Variants in CSPG5 observed in about 807,000 individuals in gnomAD.
The protein encoded by CSPG5 is chondroitin sulfate proteoglycan 5, also known as acidic leucine-rich EGF-like domain-containing brain protein.
Under a neutral mutation model 39.8 loss-of-function variants are expected in CSPG5, and 25 were observed. The ratio of observed to expected loss-of-function variants is 0.63; its 90% CI spans 0.46 to 0.88. CSPG5 has a LOEUF of 0.88. Among genes scored for constraint, CSPG5 ranks in the 40% least tolerant of loss-of-function variants. CSPG5 has a pLI of 0.00. For missense variants in CSPG5, 627 were observed against 702.2 expected (o/e 0.89, Z 1.21); for synonymous variants, 295 against 303.9 (o/e 0.97, Z 0.31).
At chr3:47,566,286 G>A (rs1414103648) in intron 4 of CSPG5, among the ~76,000 whole-genome samples, 4 of 152,092 alleles carry the variant, frequency 2.6e-5, no homozygotes, top group Non-Finnish European at 5.9e-5. Flanking sequence ...AGAGAGGGGT[G>A]GGGAGAAGCC....
In CSPG5 at chr3:47,577,406, A is replaced by G; in HGVS notation, c.620T>C (p.Ile207Thr). Residue 207 changes from isoleucine to threonine, a missense_variant, in exon 2 of 5, where the codon ATC becomes ACC. Ile to Thr is a moderately conservative substitution (Grantham distance 89). Coordinates refer to ENST00000264723, the MANE Select transcript of CSPG5 (RefSeq NM_006574.4). This position sits in a 1 kb window ranked among gnomAD's most constrained non-coding sequence, Gnocchi z 4.7. ...TCCTTCGAAGTAGTCGATGTCAATG[A>G]TATCTGATGCCGGTTGGGGCTCCAG... is the stretch of plus-strand genomic sequence containing the variant. ...GTLEPQPASD[I>T]IDIDYFEGLD... The G allele has an allele frequency of 6.2e-7, 1 of 1,614,152 alleles. No homozygotes were observed.
In CSPG5 at chr3:47,562,491, A is replaced by T; in HGVS notation, c.*109T>A. On this transcript the variant is annotated 3_prime_UTR_variant, in exon 5 of 5. Transcript: ENST00000264723. ...AAGCATGCCATGAGATCAGAAAAAG[A>T]AAAGAGTTTAACAAATGGTTACAAG... The T allele has an allele frequency of 8.9e-7, 1 of 1,119,966 alleles. No individual in the cohort carries two copies. The highest frequency in any genetic ancestry group is 1.3e-6 in the Non-Finnish European group (1 of 792,182). 69.4% of individuals were successfully genotyped at this position (1,119,966 alleles called of 1,614,324 possible).
chr3:47,563,233 A>T (rs923406247), intron 4 of CSPG5, among the ~76,000 whole-genome samples: 1 of 152,160 alleles, frequency 6.6e-6, no homozygotes, highest in Non-Finnish European at 1.5e-5. Flanking sequence ...TAAAGTGCAG[A>T]ACTGCTCCTG....
At chr3:47,570,787 T>C (rs147874616) in intron 3 of CSPG5, among the ~76,000 whole-genome samples, 5,719 of 152,266 alleles carry the variant, frequency 0.038, 367 homozygotes, top group African/African-American at 0.13. Context: ...CCCAAAGTGC[T>C]GGGATTAGAG....
At chr3:47,570,134 A>C (rs974802875) in intron 3 of CSPG5, among the ~76,000 whole-genome samples, 1 of 151,454 alleles carries the variant, frequency 6.6e-6, no homozygotes, top group African/African-American at 2.4e-5. Context: ...AGAATATGTC[A>C]GTGTGTTATA....
intron 4 of CSPG5, among the ~76,000 whole-genome samples, chr3:47,564,892 G>T (rs1156594481): frequency 6.6e-6 from 1 of 152,100 alleles, no homozygotes; most frequent in Non-Finnish European, 1.5e-5. Flanking sequence ...GGAAACCATG[G>T]TCATGAAAGC....
intron 2 of CSPG5, among the ~76,000 whole-genome samples, chr3:47,574,579 G>A (rs962338728): frequency 6.6e-5 from 10 of 152,150 alleles, no homozygotes; most frequent in South Asian, 2.1e-4. Flanking sequence ...TTCTGGCAAT[G>A]GCTGGACCAC....
Position 47,578,014 on chromosome 3 carries a change from C to A in CSPG5, c.98-86G>T. Reference sequence around the variant, plus strand: ...CCGGCCCGCCCCGGTCAGGCCCGCTCGCCTAGACCTGGTCAACCCAGACCT... The same window carrying A: ...CCGGCCCGCCCCGGTCAGGCCCGCTAGCCTAGACCTGGTCAACCCAGACCT... On this transcript the variant is annotated intron_variant, in intron 1 of 4. Transcript: ENST00000264723. This position sits in a 1 kb window ranked among gnomAD's most constrained non-coding sequence, Gnocchi z 6.0. 2 of 1,347,274 alleles carry A rather than the reference C, an allele frequency of 1.5e-6. No homozygotes were observed. The highest frequency in any genetic ancestry group is 1.9e-5 in the South Asian group (1 of 51,600). The allele number at this position is 1,347,274 out of a possible 1,614,324, so 83.5% of individuals were successfully genotyped here.
chr3:47,564,914 G>C (rs2031233672), intron 4 of CSPG5, among the ~76,000 whole-genome samples: 2 of 152,078 alleles, frequency 1.3e-5, no homozygotes, highest in Non-Finnish European at 2.9e-5. Context: ...GGAGAGCTGA[G>C]CTATAAGTAT....
chr3:47,563,204 G>A (rs1174199547), intron 4 of CSPG5, among the ~76,000 whole-genome samples: 2 of 152,150 alleles, frequency 1.3e-5, no homozygotes, highest in African/African-American at 2.4e-5. Flanking sequence ...TGTATACAGT[G>A]GGGTATGCAT....
At chr3:47,575,182 T>G (rs897341296) in intron 2 of CSPG5, among the ~76,000 whole-genome samples, 2 of 152,168 alleles carry the variant, frequency 1.3e-5, no homozygotes, top group Non-Finnish European at 2.9e-5. Context: ...TCCCAGCACT[T>G]TGAGAGGCTG....
At chr3:47,566,766 T>C (rs1287926456) in intron 4 of CSPG5, among the ~76,000 whole-genome samples, 4 of 152,176 alleles carry the variant, frequency 2.6e-5, no homozygotes, top group Non-Finnish European at 4.4e-5. Flanking sequence ...AAGGGATGGC[T>C]TGAGTGCCGC....
chr3:47,577,033 C>A lies in CSPG5; in HGVS notation c.993G>T (p.Ser331=), dbSNP rs780082287. The change falls in exon 2 of 5, where the codon TCG becomes TCT. Residue 331 remains serine, a synonymous_variant. Transcript: ENST00000264723. This position sits in a 1 kb window ranked among gnomAD's most constrained non-coding sequence, Gnocchi z 4.7. ...TGAGGGCGATGCTGCTGCCGGGGAC[C>A]GACCCCAGAGTGTGCTGTGGAGGGA... The part of the protein sequence containing the change: ...HAVPPQHTLG[S]VPGSSIALRP... 1.2e-6 allele frequency: 2 copies of A among 1,612,758 alleles called. No individual in the cohort carries two copies. The highest frequency in any genetic ancestry group is 1.7e-6 in the Non-Finnish European group (2 of 1,179,520).
At chr3:47,564,851 T>C (rs545907457) in intron 4 of CSPG5, among the ~76,000 whole-genome samples, 26 of 152,212 alleles carry the variant, frequency 1.7e-4, no homozygotes, top group African/African-American at 5.3e-4. Context: ...AGCTGCACTT[T>C]TTTATTTCGT....
intron 4 of CSPG5, among the ~76,000 whole-genome samples, chr3:47,568,697 G>C (rs2031402769): frequency 1.3e-5 from 2 of 152,096 alleles, no homozygotes; most frequent in Admixed American, 1.3e-4. Flanking sequence ...CTTAGATGAA[G>C]CTAAAAATCA....
At chr3:47,569,648 G>A (rs959999722) in intron 3 of CSPG5, among the ~76,000 whole-genome samples, 46 of 150,934 alleles carry the variant, frequency 3.0e-4, no homozygotes, top group African/African-American at 1.1e-3. Context: ...AACAAATACT[G>A]TATTTCTTTC....
At position 47,577,584 on chromosome 3, in the gene CSPG5, C is replaced by T. The variant is rs747674278; in HGVS notation, c.442G>A (p.Glu148Lys). Residue 148 changes from glutamate (E) to lysine (K), a missense_variant, in exon 2 of 5, where the codon GAG becomes AAG. Transcript: ENST00000264723. This position sits in a 1 kb window ranked among gnomAD's most constrained non-coding sequence, Gnocchi z 4.7. ...IMPPAIPEAT[E>K]ASGPPSPTPG... ...GTGGGGGAGGGTGGCCCGCTGGCCT[C>T]TGTAGCCTCAGGAATGGCAGGGGGC... The T allele has an allele frequency of 1.1e-4, 180 of 1,611,598 alleles. 5 individuals carry two copies. In the South Asian group the frequency reaches 1.9e-3, roughly 17 times the overall value.
At position 47,572,648 on chromosome 3, in the gene CSPG5, C is replaced by T. The variant is rs371258585; in HGVS notation, c.1382+38G>A. On this transcript the variant is annotated intron_variant, in intron 3 of 4. Coordinates refer to ENST00000264723, the MANE Select transcript of CSPG5 (RefSeq NM_006574.4). The surrounding 1 kb of genome is among the most constrained non-coding windows in gnomAD (Gnocchi z 4.5). ...CAGCAGCGTCGGGGGGCCTCCCACA[C>T]CCTGACCTGGGTGGATGGGTGAGTG... 3.8e-6 allele frequency: 6 copies of T among 1,593,114 alleles called. No homozygotes were observed. The highest frequency in any genetic ancestry group is 5.2e-6 in the Non-Finnish European group (6 of 1,163,330).
intron 3 of CSPG5, among the ~76,000 whole-genome samples, chr3:47,569,750 C>CTT (rs145182794): frequency 1.5e-5 from 2 of 134,810 alleles, no homozygotes; most frequent in African/African-American, 2.7e-5. Context: ...CTATTCTTTT[C>CTT]TTTTTTTTTT....
Sources: gnomAD v4.1 joint callset for allele counts (sites outside exome capture counted in the v4.1 genomes callset) on GRCh38, gnomAD v4.1.1 for gene constraint, Gnocchi (gnomAD v3.1) non-coding constraint, MANE v1.5 for transcripts, NCBI Gene and HGNC (gene_info 2026-07-23, HGNC 2026-07-21) for gene names.